POT1: variants seen among roughly 807,000 people sequenced by gnomAD.
POT1 encodes the protein protection of telomeres protein 1.
Under a neutral mutation model 78.5 loss-of-function variants are expected in POT1, and 47 were observed. That is an observed-to-expected ratio of 0.60 (90% CI 0.47 to 0.76). The LOEUF is 0.76. Ranked by LOEUF, POT1 falls within the 30% of genes least tolerant of loss-of-function variation. The pLI is 0.00. For missense variants in POT1, 646 were observed against 749.9 expected (o/e 0.86, Z 1.62); for synonymous variants, 259 against 260.7 (o/e 0.99, Z 0.06).
At chr7:124,922,064 G>A (rs1241336273) in intron 2 of POT1, among the ~76,000 whole-genome samples, 3 of 151,700 alleles carry the variant, frequency 2.0e-5, no homozygotes, top group African/African-American at 4.8e-5. Flanking sequence ...AATCACATAC[G>A]AAACAACAGA....
intron 7 of POT1, 89 bp from the exon 8 acceptor site, chr7:124,863,729 T>C (rs996701514): frequency 9.3e-7 from 1 of 1,074,796 alleles, no homozygotes; most frequent in Non-Finnish European, 1.4e-6. Flanking sequence ...GGAAAGATTA[T>C]CAATTTTGCC....
intron 14 of POT1, 26 bp from the exon 15 acceptor site, chr7:124,835,440 C>A (rs1352816853): frequency 1.2e-6 from 2 of 1,603,318 alleles, no homozygotes; most frequent in African/African-American, 2.7e-5. Flanking sequence ...ATAAATCCTT[C>A]AAGTAGTGCA....
At chr7:124,887,199 ACT>A (rs1796267211) in intron 6 of POT1, among the ~76,000 whole-genome samples, 1 of 151,982 alleles carries the variant, frequency 6.6e-6, no homozygotes, top group African/African-American at 2.4e-5. Flanking sequence ...GGAAATGAAG[ACT>A]CTGGGAATAA....
In POT1 at chr7:124,898,291, T is replaced by C. The variant is rs1796541829; in HGVS notation, c.-70A>G. On this transcript the variant is annotated 5_prime_UTR_variant, in exon 4 of 19. Coordinates refer to ENST00000357628, the MANE Select transcript of POT1 (RefSeq NM_015450.3). ...CAGTTGATTTGAGGTCTTCAAATGC[T>C]TTCAAAAATATGCAAGGTTTACCAT... is the stretch of plus-strand genomic sequence containing the variant. The C allele has an allele frequency of 6.6e-6, 1 of 151,750 alleles. No homozygotes were observed. 9.4% of individuals were successfully genotyped at this position (151,750 alleles called of 1,614,324 possible).
chr7:124,899,543 TAAC>T (rs1321509380), intron 3 of POT1, among the ~76,000 whole-genome samples: 1 of 152,176 alleles, frequency 6.6e-6, no homozygotes, highest in Non-Finnish European at 1.5e-5. Flanking sequence ...GGAATAAAAA[TAAC>T]AACTGAGTTA....
Position 124,838,444 on chromosome 7 carries a change from T to C in POT1, c.1369+2529A>G, listed in dbSNP as rs551351698. 2.0e-5 allele frequency among the ~76,000 whole-genome samples: 3 copies of C among 152,252 alleles called. No individual in the cohort carries two copies. The South Asian group carries it at 6.2e-4, about 32-fold the overall frequency. On this transcript the variant is annotated intron_variant, in intron 14 of 18. Transcript: ENST00000357628. ...ATACTTAGATATAAAGCTAACAAAA[T>C]GTGATCTATATTTTGTTGGATTTAT...
chr7:124,842,284 AAC>A (rs1163609768), intron 13 of POT1, among the ~76,000 whole-genome samples: 4 of 152,032 alleles, frequency 2.6e-5, no homozygotes, highest in African/African-American at 4.8e-5. Flanking sequence ...AGGATTACAA[AAC>A]AGTTATATAC....
chr7:124,853,193 G>A, intron 9 of POT1, 55 bp from the exon 10 acceptor site: 1 of 1,358,390 alleles, frequency 7.4e-7, no homozygotes, highest in South Asian at 1.4e-5. Context: ...AAATACTTCT[G>A]ATATTTAAAA....
At chr7:124,920,175 A>G (rs1450730264) in intron 2 of POT1, among the ~76,000 whole-genome samples, 2 of 152,174 alleles carry the variant, frequency 1.3e-5, no homozygotes, top group Admixed American at 1.3e-4. Context: ...CACCATCACA[A>G]AAACTGGAAA....
chr7:124,835,537 T>C (rs1387659430), intron 14 of POT1, 123 bp from the exon 15 acceptor site: 9 of 1,058,576 alleles, frequency 8.5e-6, no homozygotes, highest in African/African-American at 1.6e-5. Context: ...AGACAATGAA[T>C]GTATGTAAAA....
chr7:124,831,534 A>T (rs537862268), intron 15 of POT1, among the ~76,000 whole-genome samples: 8 of 150,094 alleles, frequency 5.3e-5, no homozygotes, highest in Admixed American at 4.0e-4. Flanking sequence ...CATATAATTT[A>T]AAAAAAAACT....
rs66513837 is a variant in POT1, at chr7:124,852,709, A to G, written c.869+263T>C. On this transcript the variant is annotated intron_variant, in intron 10 of 18. Coordinates refer to ENST00000357628, the MANE Select transcript of POT1 (RefSeq NM_015450.3). Reference sequence around the variant, plus strand: ...CCCCTGTTTGTTGCTGTACTTGGAGAGTGTGGTAAATGATAGAAGAGAAGC... The same window carrying G: ...CCCCTGTTTGTTGCTGTACTTGGAGGGTGTGGTAAATGATAGAAGAGAAGC... Among the ~76,000 whole-genome samples, 30,567 of 151,906 alleles carry G rather than the reference A, an allele frequency of 0.2. 3,810 individuals carry two copies. Among genetic ancestry groups the G allele is most frequent in the East Asian group, 0.3 (1,561 of 5,144 alleles).
intron 7 of POT1, among the ~76,000 whole-genome samples, chr7:124,865,491 A>G (rs1333908953): frequency 2.0e-5 from 3 of 151,978 alleles, no homozygotes; most frequent in Non-Finnish European, 4.4e-5. Context: ...CAGATTAGGT[A>G]GCTTCTAATG....
intron 13 of POT1, among the ~76,000 whole-genome samples, 180 bp from the exon 14 acceptor site, chr7:124,841,358 A>G (rs1209505533): frequency 6.6e-6 from 1 of 151,972 alleles, no homozygotes; most frequent in East Asian, 1.9e-4. Context: ...CTTTTTTTCA[A>G]TAGATAATTA....
chr7:124,876,007 T>C (rs1169505746), intron 6 of POT1, among the ~76,000 whole-genome samples: 1 of 152,170 alleles, frequency 6.6e-6, no homozygotes, highest in Non-Finnish European at 1.5e-5. Context: ...GAAAGATCAA[T>C]CTTTAATCAT....
At chr7:124,859,963 T>G (rs1310091201) in intron 8 of POT1, among the ~76,000 whole-genome samples, 1 of 151,918 alleles carries the variant, frequency 6.6e-6, no homozygotes, top group Non-Finnish European at 1.5e-5. Context: ...AAAATTAAAA[T>G]AAATGCACTG....
intron 5 of POT1, 61 bp downstream of exon 5, chr7:124,897,104 A>C: frequency 9.6e-7 from 1 of 1,042,592 alleles, no homozygotes; most frequent in Non-Finnish European, 1.4e-6. Context: ...ACATGTATCT[A>C]TGTGTGTGGC....
chr7:124,894,081 A>C (rs779899464), intron 5 of POT1, among the ~76,000 whole-genome samples: 8 of 151,580 alleles, frequency 5.3e-5, no homozygotes, highest in Non-Finnish European at 1.2e-4. Context: ...TAAAGCCTTA[A>C]AGGGCTTTGT....
intron 6 of POT1, among the ~76,000 whole-genome samples, chr7:124,881,551 G>A (rs1025620266): frequency 2.0e-5 from 3 of 151,962 alleles, no homozygotes; most frequent in African/African-American, 7.2e-5. Context: ...ATTAGCATTA[G>A]ATTCATGGCA....
Sources: allele counts gnomAD v4.1 joint callset (sites outside exome capture counted in the v4.1 genomes callset), GRCh38; gene constraint gnomAD v4.1.1; transcripts MANE v1.5; gene names NCBI Gene and HGNC (gene_info 2026-07-23, HGNC 2026-07-21).